NCAM1: variants seen among roughly 807,000 people sequenced by gnomAD.
The protein encoded by NCAM1 is antigen recognized by monoclonal antibody 5.1H11.
A neutral mutation model predicts 109.8 loss-of-function variants in NCAM1; 14 were observed. The observed-to-expected ratio is 0.13, with a 90% CI of 0.08 to 0.20. NCAM1 has a LOEUF of 0.20. Ranked by LOEUF, NCAM1 falls within the 10% of genes least tolerant of loss-of-function variation. NCAM1 has a pLI of 1.00. For missense variants in NCAM1, 774 were observed against 1,109.9 expected (o/e 0.70, Z 4.30); for synonymous variants, 418 against 442.9 (o/e 0.94, Z 0.70).
At chr11:113,139,664 G>T (rs1176983726) in intron 1 of NCAM1, among the ~76,000 whole-genome samples, 1 of 151,554 alleles carries the variant, frequency 6.6e-6, no homozygotes, top group African/African-American at 2.4e-5. Flanking sequence ...ATAGTTATTT[G>T]TAATCTTTTG....
At chr11:113,197,813 T>C (rs1555111121) in intron 1 of NCAM1, among the ~76,000 whole-genome samples, 1 of 152,244 alleles carries the variant, frequency 6.6e-6, no homozygotes, top group Admixed American at 6.5e-5. Flanking sequence ...GTGAACTCTT[T>C]TTTGAAATCA....
chr11:112,979,570 G>A (rs1195884883), intron 1 of NCAM1, among the ~76,000 whole-genome samples: 1 of 151,802 alleles, frequency 6.6e-6, no homozygotes, highest in Non-Finnish European at 1.5e-5. Context: ...GCAAGTTAAA[G>A]CAGAGGAGAC....
rs1555114129 is a variant in NCAM1 at position 113,214,578 on chromosome 11, G to A, written c.1059+67G>A. 6 of 1,505,522 alleles carry A rather than the reference G, an allele frequency of 4.0e-6. No individual in the cohort carries two copies. In the East Asian group the frequency reaches 1.2e-4, roughly 31 times the overall value. The allele number at this position is 1,505,522 out of a possible 1,614,324, so 93.3% of individuals were successfully genotyped here. ...CTCAAAGCAGATTGAGTCTGCTCAT[G>A]CCCAGTTCTCTTTGGGGAGCTGGGA... is the stretch of plus-strand genomic sequence containing the variant. On this transcript the variant is annotated intron_variant, in intron 8 of 19. Transcript: ENST00000316851.
intron 14 of NCAM1, among the ~76,000 whole-genome samples, chr11:113,236,826 G>C (rs1945182159): frequency 6.6e-6 from 1 of 152,214 alleles, no homozygotes; most frequent in East Asian, 1.9e-4. Flanking sequence ...TTGTCTGTCA[G>C]CTTGGTAGCT....
At chr11:113,004,328 A>G (rs1427837231) in intron 1 of NCAM1, among the ~76,000 whole-genome samples, 1 of 152,054 alleles carries the variant, frequency 6.6e-6, no homozygotes, top group Admixed American at 6.5e-5. Context: ...CCCTGTTTCT[A>G]CTAAAAATAC....
chr11:113,154,725 C>A (rs1555103152), intron 1 of NCAM1, among the ~76,000 whole-genome samples: 1 of 152,098 alleles, frequency 6.6e-6, no homozygotes, highest in Non-Finnish European at 1.5e-5. Context: ...ACCTTACTTT[C>A]TTGATAAAGG....
chr11:113,214,548 G>A, intron 8 of NCAM1, 37 bp downstream of exon 8: 1 of 1,568,996 alleles, frequency 6.4e-7, no homozygotes, highest in Non-Finnish European at 8.6e-7. Flanking sequence ...GCCTTGGAAT[G>A]CAGACTCAAA....
At chr11:113,259,632 C>T (rs1945928401) in intron 16 of NCAM1, among the ~76,000 whole-genome samples, 1 of 150,804 alleles carries the variant, frequency 6.6e-6, no homozygotes, top group Admixed American at 6.6e-5. Context: ...TGCCAGCATG[C>T]AAAGTTGACC....
chr11:113,228,184 C>T (rs1467687023), intron 9 of NCAM1, among the ~76,000 whole-genome samples: 2 of 152,116 alleles, frequency 1.3e-5, no homozygotes, highest in Non-Finnish European at 2.9e-5. Flanking sequence ...CTAGAAGACC[C>T]CATCATCTCA....
Position 113,235,473 on chromosome 11 carries a change from G to T in NCAM1, c.1825+309G>T, listed in dbSNP as rs1420383021. Among the ~76,000 whole-genome samples the T allele has an allele frequency of 2.0e-5, 3 of 152,336 alleles. No individual in the cohort carries two copies. In the East Asian group the frequency reaches 5.8e-4, roughly 29 times the overall value. On this transcript the variant is annotated intron_variant, in intron 14 of 19. Transcript: ENST00000316851. ...GAAGTGGGGAGAAAACCAGGAGTGAGTTGTCAAAGGATCTGGGAAAGTTGC... is the reference window on the plus strand; with the variant it reads ...GAAGTGGGGAGAAAACCAGGAGTGATTTGTCAAAGGATCTGGGAAAGTTGC...
chr11:113,244,654 CGTGTGT>C (rs55798470), intron 14 of NCAM1, among the ~76,000 whole-genome samples: 33,343 of 149,474 alleles, frequency 0.22, 3,835 homozygotes, highest in Middle Eastern at 0.34. Flanking sequence ...TGTGTGTGTG[CGTGTGT>C]GTGTGTGTGT....
At chr11:112,981,373 G>C (rs1951151461) in intron 1 of NCAM1, among the ~76,000 whole-genome samples, 1 of 151,886 alleles carries the variant, frequency 6.6e-6, no homozygotes, top group African/African-American at 2.4e-5. Context: ...TGTATTTCTT[G>C]TCATGTGAAA....
chr11:113,157,024 T>C (rs1942433180), intron 1 of NCAM1, among the ~76,000 whole-genome samples: 5 of 152,132 alleles, frequency 3.3e-5, no homozygotes, highest in Admixed American at 1.3e-4. Flanking sequence ...ACACATGTTG[T>C]TCCAGCATAA....
chr11:113,183,976 G>C (rs1221075987), intron 1 of NCAM1, among the ~76,000 whole-genome samples: 1 of 152,216 alleles, frequency 6.6e-6, no homozygotes, highest in Non-Finnish European at 1.5e-5. Flanking sequence ...GTAAGCTGTA[G>C]AGGTCCATGC....
At chr11:113,024,560 T>G (rs1952483364) in intron 1 of NCAM1, among the ~76,000 whole-genome samples, 1 of 152,174 alleles carries the variant, frequency 6.6e-6, no homozygotes, top group Non-Finnish European at 1.5e-5. Flanking sequence ...TGTAGAAGGT[T>G]TTCTAGGCTT....
At chr11:113,096,457 G>C (rs1565433689) in intron 1 of NCAM1, among the ~76,000 whole-genome samples, 1 of 152,094 alleles carries the variant, frequency 6.6e-6, no homozygotes, top group African/African-American at 2.4e-5. Flanking sequence ...GTATACACAG[G>C]GTTGTGTGTT....
intron 14 of NCAM1, chr11:113,240,480 C>A (rs546091942): frequency 1.2e-5 from 5 of 412,792 alleles, no homozygotes; most frequent in African/African-American, 8.1e-5. Flanking sequence ...ATGGAGACAG[C>A]TGGTCCTGCT....
intron 7 of NCAM1, 32 bp from the exon 8 acceptor site, chr11:113,214,337 G>C: frequency 1.2e-6 from 2 of 1,609,758 alleles, no homozygotes; most frequent in Non-Finnish European, 8.5e-7. Context: ...TCAATAATTA[G>C]ATAAACTCAG....
At chr11:113,178,405 A>C (rs553761003) in intron 1 of NCAM1, among the ~76,000 whole-genome samples, 1 of 152,202 alleles carries the variant, frequency 6.6e-6, no homozygotes, top group Non-Finnish European at 1.5e-5. Flanking sequence ...TTCTGCCCTG[A>C]GAGATGATTT....
Sources: gnomAD v4.1 joint callset for allele counts (sites outside exome capture counted in the v4.1 genomes callset) on GRCh38, gnomAD v4.1.1 for gene constraint, MANE v1.5 for transcripts, NCBI Gene and HGNC (gene_info 2026-07-23, HGNC 2026-07-21) for gene names.